The following VLDLR variants were observed in gnomAD, a reference collection of about 807,000 sequenced individuals.
The protein encoded by VLDLR is very low-density lipoprotein receptor.
In VLDLR, 81 loss-of-function variants were observed where a neutral mutation model predicts 112.7. The observed-to-expected ratio is 0.72, with a 90% CI of 0.60 to 0.86. The LOEUF is 0.86. Among genes scored for constraint, VLDLR ranks in the 40% least tolerant of loss-of-function variants. VLDLR has a pLI of 0.00. For missense variants in VLDLR, 1,237 were observed against 1,099.4 expected (o/e 1.13, Z -1.77); for synonymous variants, 436 against 384.8 (o/e 1.13, Z -1.56).
intron 14 of VLDLR, among the ~76,000 whole-genome samples, chr9:2,649,633 C>G (rs1185518995): frequency 6.6e-6 from 1 of 152,184 alleles, no homozygotes; most frequent in Admixed American, 6.5e-5. Context: ...CCAAAGTAAT[C>G]TGCCTGCCTC....
In VLDLR at chr9:2,638,028, G is replaced by A. The variant is rs752312721; in HGVS notation, c.203-1831G>A. On this transcript the variant is annotated intron_variant, in intron 2 of 18. Transcript: ENST00000382100. Reference sequence around the variant, plus strand: ...CAGCCATTCCGCTACTCCCTCTTTTGTAGCTTCCAAAGAATATCACAGGTT... The same window carrying A: ...CAGCCATTCCGCTACTCCCTCTTTTATAGCTTCCAAAGAATATCACAGGTT... Among the ~76,000 whole-genome samples, 109 of 152,178 alleles carry A rather than the reference G, an allele frequency of 7.2e-4. 1 individual carries two copies. Among genetic ancestry groups the A allele is most frequent in the Non-Finnish European group, 3.8e-4 (26 of 68,028 alleles).
intron 2 of VLDLR, among the ~76,000 whole-genome samples, chr9:2,637,190 T>A (rs1441210775): frequency 6.6e-6 from 1 of 152,204 alleles, no homozygotes; most frequent in Non-Finnish European, 1.5e-5. Flanking sequence ...TTACTTTGTT[T>A]CTCTATGGAA....
chr9:2,632,147 C>G (rs1413379183), intron 1 of VLDLR, among the ~76,000 whole-genome samples: 1 of 152,118 alleles, frequency 6.6e-6, no homozygotes, highest in Admixed American at 6.5e-5. Context: ...AGGATTAGAG[C>G]TGGAAGAAAA....
intron 14 of VLDLR, among the ~76,000 whole-genome samples, chr9:2,649,250 A>AGGAGGGTTGGTGCCTCTTGAGGGCT (rs1359145081): frequency 4.6e-5 from 7 of 152,204 alleles, no homozygotes; most frequent in African/African-American, 1.7e-4. Context: ...TCAAGGTGCC[A>AGGAGGGTTGGTGCCTCTTGAGGGCT]GGAGGGTTGG....
In VLDLR at chr9:2,650,328, C is replaced by A. The variant is rs201223952; in HGVS notation, c.2105-42C>A. On this transcript the variant is annotated intron_variant, in intron 14 of 18. Transcript: ENST00000382100. ...AGAACAAGGCTTTATATATACTAGG[C>A]ACCGGAATACCCATTTTAATGGTAT... 202 of 1,612,314 alleles carry A rather than the reference C, an allele frequency of 1.3e-4. No homozygotes were observed. The South Asian group carries it at 1.4e-3, about 11-fold the overall frequency.
At chr9:2,649,658 C>T (rs1818232719) in intron 14 of VLDLR, among the ~76,000 whole-genome samples, 1 of 152,154 alleles carries the variant, frequency 6.6e-6, no homozygotes, top group Non-Finnish European at 1.5e-5. Flanking sequence ...TCCTAAAGTG[C>T]CGGAATTACA....
At chr9:2,653,580 C>CAAGACTTATGATCATTAAGTAG (rs1818456373) in intron 18 of VLDLR, among the ~76,000 whole-genome samples, 1 of 152,174 alleles carries the variant, frequency 6.6e-6, no homozygotes, top group African/African-American at 2.4e-5. Flanking sequence ...CATTTTTCCC[C>CAAGACTTATGATCATTAAGTAG]AAGACTTATG....
At position 2,621,856 on chromosome 9, in the gene VLDLR, T is replaced by C. The variant is rs1166410793; in HGVS notation, c.-334T>C. 2.4e-5 allele frequency: 13 copies of C among 551,474 alleles called. No individual in the cohort carries two copies. In the East Asian group the frequency reaches 4.3e-4, roughly 18 times the overall value. The allele number at this position is 551,474 out of a possible 1,614,324, so 34.2% of individuals were successfully genotyped here. On this transcript the variant is annotated 5_prime_UTR_variant, in exon 1 of 19. Transcript: ENST00000382100. ...CTCCTCTCCGTTCTGTGCTCTCTTCTGCTCTCGGCTCCCCACCCCCTCTCC... is the reference window on the plus strand; with the variant it reads ...CTCCTCTCCGTTCTGTGCTCTCTTCCGCTCTCGGCTCCCCACCCCCTCTCC...
At chr9:2,630,464 G>C (rs1817299302) in intron 1 of VLDLR, among the ~76,000 whole-genome samples, 1 of 152,132 alleles carries the variant, frequency 6.6e-6, no homozygotes, top group South Asian at 2.1e-4. Context: ...GGTGGCCCCA[G>C]CAGTGTGGCA....
At chr9:2,632,573 T>C (rs1362901856) in intron 1 of VLDLR, among the ~76,000 whole-genome samples, 2 of 152,232 alleles carry the variant, frequency 1.3e-5, no homozygotes, top group African/African-American at 4.8e-5. Flanking sequence ...CACAATCCTA[T>C]AATCCCAAAG....
At chr9:2,640,832 G>A (rs1448414893) in intron 3 of VLDLR, among the ~76,000 whole-genome samples, 5 of 152,198 alleles carry the variant, frequency 3.3e-5, no homozygotes, top group Admixed American at 2.0e-4. Flanking sequence ...GCTAAAGACA[G>A]GTTGTGTAAA....
intron 4 of VLDLR, 144 bp downstream of exon 4, chr9:2,641,643 T>C (rs779966444): frequency 4.8e-6 from 6 of 1,252,432 alleles, no homozygotes; most frequent in Non-Finnish European, 6.9e-6. Flanking sequence ...TTACTTGTCC[T>C]TCATAACTGC....
chr9:2,652,727 G>C (rs1818408506), intron 17 of VLDLR, 53 bp from the exon 18 acceptor site: 1 of 1,609,186 alleles, frequency 6.2e-7, no homozygotes, highest in Admixed American at 1.7e-5. Flanking sequence ...TACCTTTCTT[G>C]TATGTTCCAA....
In VLDLR at chr9:2,658,557, T is replaced by C. The variant is rs1388258165; in HGVS notation, c.*4689T>C. Reference sequence around the variant, plus strand: ...TTCTGTTTAGAAGCAGCAGGCAATGTAGTTAACAGCATAGACTTCCGTGTC... The same window carrying C: ...TTCTGTTTAGAAGCAGCAGGCAATGCAGTTAACAGCATAGACTTCCGTGTC... On this transcript the variant is annotated 3_prime_UTR_variant, in exon 19 of 19. Coordinates refer to ENST00000382100, the MANE Select transcript of VLDLR (RefSeq NM_003383.5). The C allele has an allele frequency of 6.6e-6, 1 of 152,188 alleles. No homozygotes were observed. Among genetic ancestry groups the C allele is most frequent in the Non-Finnish European group, 1.5e-5 (1 of 68,024 alleles). 9.4% of individuals were successfully genotyped at this position (152,188 alleles called of 1,614,324 possible).
chr9:2,653,764 A>G, intron 18 of VLDLR, 69 bp from the exon 19 acceptor site: 3 of 1,581,646 alleles, frequency 1.9e-6, no homozygotes, highest in East Asian at 2.2e-5. Context: ...AGCAAGGTCC[A>G]TTTTAAAGAC....
chr9:2,646,317 GAC>G lies in VLDLR; in HGVS notation c.1485-16_1485-15del. On this transcript the variant is annotated splice_polypyrimidine_tract_variant and intron_variant, in intron 10 of 18. Transcript: ENST00000382100. ...TGTGTCAAACTCTTAAATTTCTTGT[GAC>G]CTATTCTGTTTCAGTGCCTCAATTG... is the stretch of plus-strand genomic sequence containing the variant. The G allele has an allele frequency of 6.2e-7, 1 of 1,612,836 alleles. No homozygotes were observed. The highest frequency in any genetic ancestry group is 2.2e-5 in the East Asian group (1 of 44,866).
rs35753953 is a variant in VLDLR at position 2,645,473 on chromosome 9, A to G, written c.1313-101A>G. 10,945 of 1,426,362 alleles carry G rather than the reference A, an allele frequency of 7.7e-3. 487 individuals are homozygous for G. In the African/African-American group the frequency reaches 0.11, roughly 15 times the overall value. The allele number at this position is 1,426,362 out of a possible 1,614,324, so 88.4% of individuals were successfully genotyped here. The stretch of plus-strand genomic sequence containing the variant: ...ACAGATACTACTGAGGTATTCCACA[A>G]TACCTTTATTTTCTAAGTGCTCCTC... On this transcript the variant is annotated intron_variant, in intron 9 of 18. Transcript: ENST00000382100.
Position 2,648,222 on chromosome 9 carries a change from C to T in VLDLR, c.1837C>T (p.Arg613Cys), listed in dbSNP as rs752111760. 4.3e-6 allele frequency: 7 copies of T among 1,614,124 alleles called. No individual in the cohort carries two copies. The highest frequency in any genetic ancestry group is 1.1e-5 in the South Asian group (1 of 91,080). ...TTCCTACCTAGACCTTATAAAAAGT[C>T]GCCTCTATTGGCTTGATTCTAAGTT... ...NGITLDLIKS[R>C]LYWLDSKLHM... Residue 613 changes from arginine (R) to cysteine (C), a missense_variant, in exon 13 of 19, where the codon CGC (arginine) becomes TGC (cysteine). By Grantham distance (180) the Arg-to-Cys change is radical (BLOSUM62 -3). Transcript: ENST00000382100.
Position 2,654,073 on chromosome 9 carries a change from T to G in VLDLR, c.*205T>G. 1.7e-6 allele frequency: 1 copy of G among 577,606 alleles called. No individual in the cohort carries two copies. Among genetic ancestry groups the G allele is most frequent in the Non-Finnish European group, 3.1e-6 (1 of 323,764 alleles). 35.8% of individuals were successfully genotyped at this position (577,606 alleles called of 1,614,324 possible). ...GTCCACATTCTACTTCAGCTTTGGA[T>G]GTGGTTACCGAGTATCTGTAACCCT... is the stretch of plus-strand genomic sequence containing the variant. On this transcript the variant is annotated 3_prime_UTR_variant, in exon 19 of 19. Transcript: ENST00000382100.
Sources: gnomAD v4.1 joint callset for allele counts (sites outside exome capture counted in the v4.1 genomes callset) on GRCh38, gnomAD v4.1.1 for gene constraint, MANE v1.5 for transcripts, NCBI Gene and HGNC (gene_info 2026-07-23, HGNC 2026-07-21) for gene names.